SEPTIN14: variants seen among roughly 807,000 people sequenced by gnomAD.
The protein encoded by SEPTIN14 is septin 14, also known as septin-14.
SEPTIN14 carries 40 observed loss-of-function variants against 53.6 expected under a neutral mutation model. The ratio of observed to expected loss-of-function variants is 0.75; its 90% CI spans 0.58 to 0.97. SEPTIN14 has a LOEUF of 0.97. Among genes scored for constraint, SEPTIN14 ranks in the 50% least tolerant of loss-of-function variants. The pLI is 0.00. For synonymous variants in SEPTIN14, 138 were observed against 166.8 expected, an observed-to-expected ratio of 0.83 and a Z score of 1.33; for missense variants, 471 against 508.2, an observed-to-expected ratio of 0.93 and a Z score of 0.70.
chr7:55,836,090 C>T (rs570058644), intron 5 of SEPTIN14, among the ~76,000 whole-genome samples: 1 of 151,802 alleles, frequency 6.6e-6, no homozygotes, highest in Non-Finnish European at 1.5e-5. Flanking sequence ...TGTGTGTGCG[C>T]GTGTGTGTGT....
intron 7 of SEPTIN14, among the ~76,000 whole-genome samples, chr7:55,810,346 A>G (rs1788679355): frequency 6.6e-6 from 1 of 152,100 alleles, no homozygotes. Flanking sequence ...AATATCAAAA[A>G]TATTATATAT....
chr7:55,849,028 A>G (rs1312466770), intron 2 of SEPTIN14, among the ~76,000 whole-genome samples: 3 of 152,194 alleles, frequency 2.0e-5, no homozygotes, highest in Non-Finnish European at 4.4e-5. Flanking sequence ...AAATTAAGAT[A>G]AAAGCAGAAA....
intron 7 of SEPTIN14, among the ~76,000 whole-genome samples, chr7:55,808,256 C>A (rs1788641435): frequency 6.6e-6 from 1 of 152,102 alleles, no homozygotes; most frequent in Admixed American, 6.6e-5. Context: ...ATATGTTAGG[C>A]CACAAAATAA....
At chr7:55,810,382 G>A (rs1232648148) in intron 7 of SEPTIN14, among the ~76,000 whole-genome samples, 1 of 151,006 alleles carries the variant, frequency 6.6e-6, no homozygotes, top group Non-Finnish European at 1.5e-5. Context: ...CTTATCAGAT[G>A]TATAAGTTGC....
intron 2 of SEPTIN14, among the ~76,000 whole-genome samples, chr7:55,856,593 A>G (rs2116080102): frequency 6.6e-6 from 1 of 151,858 alleles, no homozygotes; most frequent in South Asian, 2.1e-4. Flanking sequence ...AGATTTCACC[A>G]TGTTGGCCAG....
chr7:55,848,214 C>A (rs910332756), intron 2 of SEPTIN14, among the ~76,000 whole-genome samples: 1 of 152,090 alleles, frequency 6.6e-6, no homozygotes, highest in Non-Finnish European at 1.5e-5. Flanking sequence ...GCAGAGGTTG[C>A]AGTAAGCTGA....
intron 5 of SEPTIN14, among the ~76,000 whole-genome samples, chr7:55,835,020 T>C (rs1052135001): frequency 2.0e-5 from 3 of 152,184 alleles, no homozygotes; most frequent in Non-Finnish European, 4.4e-5. Flanking sequence ...CTGGCTGTCA[T>C]GCTTTTCTTA....
chr7:55,800,692 G>A (rs993262002), intron 9 of SEPTIN14, among the ~76,000 whole-genome samples: 6 of 152,146 alleles, frequency 3.9e-5, no homozygotes, highest in African/African-American at 1.2e-4. Context: ...TGGGAAGGGT[G>A]GTAGGGGTGG....
intron 8 of SEPTIN14, among the ~76,000 whole-genome samples, chr7:55,805,663 T>C (rs1788599956): frequency 6.6e-6 from 1 of 152,190 alleles, no homozygotes; most frequent in South Asian, 2.1e-4. Context: ...AATTTCCATA[T>C]CATAAGATGT....
chr7:55,854,674 C>G (rs923197083), intron 2 of SEPTIN14, among the ~76,000 whole-genome samples: 6 of 152,068 alleles, frequency 3.9e-5, no homozygotes, highest in African/African-American at 1.4e-4. Context: ...GTGATCCGCC[C>G]ACCTCGGCCT....
rs1788389804 is a variant in SEPTIN14 at position 55,794,306 on chromosome 7, G to T, written c.*1607C>A. On this transcript the variant is annotated 3_prime_UTR_variant, in exon 10 of 10. Coordinates refer to ENST00000388975, the MANE Select transcript of SEPTIN14 (RefSeq NM_207366.3). ...TTAATAACATTGGATTAAGATGAAAGAATGAGAAGATAAAGGTCCCTCAGC... is the reference window on the plus strand; with the variant it reads ...TTAATAACATTGGATTAAGATGAAATAATGAGAAGATAAAGGTCCCTCAGC... 1 of 152,134 alleles carries T rather than the reference G, an allele frequency of 6.6e-6. No homozygotes were observed. The highest frequency in any genetic ancestry group is 2.4e-5 in the African/African-American group (1 of 41,454). The allele number at this position is 152,134 out of a possible 1,614,324, so 9.4% of individuals were successfully genotyped here.
Position 55,796,161 on chromosome 7 carries a change from T to C in SEPTIN14, c.1120-69A>G, listed in dbSNP as rs1013246383. The C allele has an allele frequency of 8.8e-6, 9 of 1,018,754 alleles. No individual in the cohort carries two copies. In the African/African-American group the frequency reaches 1.4e-4, roughly 16 times the overall value. The allele number at this position is 1,018,754 out of a possible 1,614,324, so 63.1% of individuals were successfully genotyped here. A position where few individuals can be genotyped will look rare whatever the true frequency, so the allele number is the denominator to read the frequency against. On this transcript the variant is annotated intron_variant, in intron 9 of 9. Coordinates refer to ENST00000388975, the MANE Select transcript of SEPTIN14 (RefSeq NM_207366.3). ...CTGAACACCCAAAAGAATATGCTTT[T>C]TTCTAAATATCAAACAAACCCAAAT...
Position 55,844,687 on chromosome 7 carries a change from T to C in SEPTIN14, c.207A>G (p.Ile69Met), listed in dbSNP as rs779550295. 12 of 1,605,150 alleles carry C rather than the reference T, an allele frequency of 7.5e-6. No homozygotes were observed. The highest frequency in any genetic ancestry group is 9.4e-6 in the Non-Finnish European group (11 of 1,173,828). Reference protein sequence around the residue: ...GETGIGKSTLIDTLFNTNLKD... With the variant: ...GETGIGKSTLMDTLFNTNLKD... ...TCAAGTTAGTATTAAACAATGTGTC[T>C]ATCAGTGTCGATTTTCCAATTCCAG... Residue 69 changes from isoleucine (I) to methionine (M), a missense_variant, in exon 4 of 10, where the codon ATA (isoleucine) becomes ATG (methionine). Coordinates refer to ENST00000388975, the MANE Select transcript of SEPTIN14 (RefSeq NM_207366.3).
chr7:55,834,936 C>A (rs893772938), intron 5 of SEPTIN14, among the ~76,000 whole-genome samples: 2 of 151,988 alleles, frequency 1.3e-5, no homozygotes, highest in Admixed American at 6.6e-5. Flanking sequence ...TGAGCCACTG[C>A]GCCCAGCCAT....
At chr7:55,857,490 G>GAGGGA (rs1214849802) in intron 2 of SEPTIN14, among the ~76,000 whole-genome samples, 14,328 of 71,200 alleles carry the variant, frequency 0.2, 1,911 homozygotes, top group East Asian at 0.26. Context: ...GAGGGGAGGG[G>GAGGGA]AGGGAAGGGA....
chr7:55,803,928 T>A (rs1267440271), intron 9 of SEPTIN14, among the ~76,000 whole-genome samples: 1 of 146,092 alleles, frequency 6.8e-6, no homozygotes, highest in Non-Finnish European at 1.5e-5. Context: ...ATCGAGATCA[T>A]CCTGGCTAAC....
At chr7:55,811,450 G>A (rs1788704207) in intron 7 of SEPTIN14, 1 of 365,436 alleles carries the variant, frequency 2.7e-6, no homozygotes, top group Admixed American at 3.7e-5. Context: ...TGGAGATGGG[G>A]AAGGAAGGCA....
Position 55,805,622 on chromosome 7 carries a change from C to T in SEPTIN14, c.987-232G>A, listed in dbSNP as rs190431738. ...CATCCTATATAAGGAAATTTACCAA[C>T]ATTCTCTCATGTTTAGCAGCACAAA... On this transcript the variant is annotated intron_variant, in intron 8 of 9. Transcript: ENST00000388975. Among the ~76,000 whole-genome samples the T allele has an allele frequency of 1.4e-3, 213 of 152,184 alleles. 2 individuals carry two copies. The highest frequency in any genetic ancestry group is 0.01 in the Middle Eastern group (3 of 294).
chr7:55,811,496 CTTTTTTTTT>C (rs1170803437), intron 7 of SEPTIN14: 35 of 181,100 alleles, frequency 1.9e-4, no homozygotes, highest in South Asian at 5.5e-4. Context: ...TTTTACAGTT[CTTTTTTTTT>C]TTTTTTTTTT....
Sources: allele counts gnomAD v4.1 joint callset (sites outside exome capture counted in the v4.1 genomes callset), GRCh38; gene constraint gnomAD v4.1.1; transcripts MANE v1.5; gene names NCBI Gene and HGNC (gene_info 2026-07-23, HGNC 2026-07-21).